SLC44A1: variants seen among roughly 807,000 people sequenced by gnomAD.
The protein encoded by SLC44A1 is solute carrier family 44 member 1, also known as choline transporter-like protein 1.
Under a neutral mutation model 79.3 loss-of-function variants are expected in SLC44A1, and 26 were observed. That is an observed-to-expected ratio of 0.33 (90% confidence interval 0.24 to 0.46). The LOEUF (loss-of-function observed/expected upper bound fraction) is 0.46. Among genes scored for constraint, SLC44A1 ranks in the 20% least tolerant of loss-of-function variants. The pLI is 1.00. For missense variants in SLC44A1, 688 were observed against 798.1 expected, an observed-to-expected ratio of 0.86 and a Z score of 1.66; for synonymous variants, 263 against 286.2, an observed-to-expected ratio of 0.92 and a Z score of 0.82.
At position 105,256,861 on chromosome 9, in the gene SLC44A1, C is replaced by T. The variant is rs61050892; in HGVS notation, c.36+11957C>T. Among the ~76,000 whole-genome samples the T allele has an allele frequency of 5.7e-3, 855 of 151,316 alleles. 11 individuals are homozygous for T. The highest frequency in any genetic ancestry group is 0.02 in the African/African-American group (811 of 41,180). ...GAAGTGCAGTGGCGTGATCTCAGCT[C>T]ACTTTAACCTCCACCTCCCAGGTTC... On this transcript the variant is annotated intron_variant, in intron 1 of 15. Coordinates refer to ENST00000374720, the MANE Select transcript of SLC44A1 (RefSeq NM_080546.5).
Position 105,385,425 on chromosome 9 carries a change from T to G in SLC44A1, c.1873T>G (p.Phe625Val), listed in dbSNP as rs1397856752. Residue 625 changes from phenylalanine (F) to valine (V), a missense_variant, in exon 15 of 16, where the codon TTT becomes GTT. Transcript: ENST00000374720. ...EFYMDKVLME[F>V]VENSRKAMKE... ...CAATATGGTCCATATTTTGCAGGAG[T>G]TTGTGGAAAACAGTAGGAAAGCAAT... 1 of 1,581,276 alleles carries G rather than the reference T, an allele frequency of 6.3e-7. No homozygotes were observed. The highest frequency in any genetic ancestry group is 1.3e-5 in the African/African-American group (1 of 74,700).
intron 13 of SLC44A1, among the ~76,000 whole-genome samples, chr9:105,380,071 A>G (rs1828414517): frequency 6.6e-6 from 1 of 152,206 alleles, no homozygotes; most frequent in African/African-American, 2.4e-5. Flanking sequence ...AGGGAGAAAC[A>G]TTGCCAGGCA....
intron 1 of SLC44A1, among the ~76,000 whole-genome samples, chr9:105,270,695 T>A (rs1830056805): frequency 6.6e-6 from 1 of 152,200 alleles, no homozygotes; most frequent in Non-Finnish European, 1.5e-5. Flanking sequence ...TACTTGGCTG[T>A]ATTTTTTTAA....
At chr9:105,371,374 A>G (rs1414533559) in intron 12 of SLC44A1, among the ~76,000 whole-genome samples, 2 of 152,242 alleles carry the variant, frequency 1.3e-5, no homozygotes, top group Non-Finnish European at 2.9e-5. Context: ...GCATGAAAGC[A>G]GCCATAGACA....
intron 1 of SLC44A1, among the ~76,000 whole-genome samples, chr9:105,246,114 G>C (rs145054624): frequency 2.6e-5 from 4 of 152,124 alleles, no homozygotes; most frequent in Non-Finnish European, 5.9e-5. Flanking sequence ...CTTGTTTTTA[G>C]AAATAAAGGA....
intron 1 of SLC44A1, among the ~76,000 whole-genome samples, chr9:105,248,901 CG>C (rs1273965089): frequency 2.0e-5 from 3 of 152,160 alleles, no homozygotes; most frequent in Non-Finnish European, 4.4e-5. Context: ...AGCAAATTGC[CG>C]TAAGTCTTTG....
intron 8 of SLC44A1, among the ~76,000 whole-genome samples, chr9:105,362,207 A>G (rs1827804580): frequency 6.6e-6 from 1 of 152,226 alleles, no homozygotes; most frequent in Non-Finnish European, 1.5e-5. Context: ...AAAAAAAATC[A>G]GTCTACTTCT....
intron 15 of SLC44A1, among the ~76,000 whole-genome samples, chr9:105,415,478 C>T (rs1175749652): frequency 1.3e-5 from 2 of 152,162 alleles, no homozygotes; most frequent in African/African-American, 2.4e-5. Flanking sequence ...GAAGTTTCCA[C>T]GGAGGGACGG....
At chr9:105,332,096 CTT>C (rs1564442029) in intron 3 of SLC44A1, among the ~76,000 whole-genome samples, 1 of 147,766 alleles carries the variant, frequency 6.8e-6, no homozygotes, top group East Asian at 2.0e-4. Context: ...AGCTTAATAT[CTT>C]TTCTTTTCCT....
chr9:105,378,991 A>C lies in SLC44A1; in HGVS notation c.1633-4132A>C, dbSNP rs562881719. The stretch of plus-strand genomic sequence containing the variant: ...CCATTTATATAATAGAAATGACAAC[A>C]GGGCTGGGCTCTGTGGCTCACGCCT... On this transcript the variant is annotated intron_variant, in intron 13 of 15. Coordinates refer to ENST00000374720, the MANE Select transcript of SLC44A1 (RefSeq NM_080546.5). 1.7e-4 allele frequency among the ~76,000 whole-genome samples: 26 copies of C among 152,360 alleles called. No individual in the cohort carries two copies. The South Asian group carries it at 4.3e-3, about 25-fold the overall frequency.
In SLC44A1 at chr9:105,393,240, G is replaced by T. The variant is rs1346440010; in HGVS notation, c.*4184G>T. 4.1e-6 allele frequency: 4 copies of T among 985,026 alleles called. No homozygotes were observed. The highest frequency in any genetic ancestry group is 1.7e-5 in the African/African-American group (1 of 57,246). 61.0% of individuals were successfully genotyped at this position (985,026 alleles called of 1,614,324 possible). On this transcript the variant is annotated 3_prime_UTR_variant, in exon 16 of 16. Transcript: ENST00000374720. ...TCATGTATCTTTGTGTGCTAAGAAT[G>T]CATGTTAGCCCTTTTGAAAAGTAGG...
intron 1 of SLC44A1, among the ~76,000 whole-genome samples, chr9:105,248,139 T>C (rs1811368030): frequency 6.6e-6 from 1 of 152,248 alleles, no homozygotes; most frequent in Admixed American, 6.5e-5. Context: ...CAGTTCAGTT[T>C]AGCTTTTCTC....
At chr9:105,413,357 G>A (rs1829122570) in intron 15 of SLC44A1, among the ~76,000 whole-genome samples, 1 of 152,180 alleles carries the variant, frequency 6.6e-6, no homozygotes, top group Non-Finnish European at 1.5e-5. Flanking sequence ...TGAGATATAA[G>A]CTGAAGAATA....
chr9:105,289,373 A>G lies in SLC44A1; in HGVS notation c.37-9847A>G, dbSNP rs7046185. On this transcript the variant is annotated intron_variant, in intron 1 of 15. Coordinates refer to ENST00000374720, the MANE Select transcript of SLC44A1 (RefSeq NM_080546.5). ...CATGGAATAGGTTTTCATTTGAAGA[A>G]TATTTGAGTGCTTTCTATAAACAAT... Among the ~76,000 whole-genome samples, 9 of 152,324 alleles carry G rather than the reference A, an allele frequency of 5.9e-5. No individual in the cohort carries two copies. The South Asian group carries it at 1.7e-3, about 28-fold the overall frequency.
At chr9:105,352,258 G>C (rs1827473492) in intron 5 of SLC44A1, among the ~76,000 whole-genome samples, 2 of 152,126 alleles carry the variant, frequency 1.3e-5, no homozygotes, top group African/African-American at 4.8e-5. Flanking sequence ...ATAAAACTTT[G>C]GCTAGAAATC....
intron 15 of SLC44A1, among the ~76,000 whole-genome samples, chr9:105,418,505 A>AAAG (rs1829204473): frequency 6.6e-6 from 1 of 152,156 alleles, no homozygotes; most frequent in Non-Finnish European, 1.5e-5. Context: ...CACACTTCTT[A>AAAG]GCTTACAGAT....
intron 1 of SLC44A1, among the ~76,000 whole-genome samples, chr9:105,273,099 C>G (rs1423969548): frequency 2.0e-5 from 3 of 150,916 alleles, no homozygotes; most frequent in Non-Finnish European, 3.0e-5. Flanking sequence ...TCAAGCAATT[C>G]TCCTGCCTCA....
At chr9:105,335,455 G>T in intron 3 of SLC44A1, 108 bp from the exon 4 acceptor site, 3 of 731,224 alleles carry the variant, frequency 4.1e-6, no homozygotes, top group Non-Finnish European at 4.3e-6. Context: ...GATTTTTATC[G>T]TGGAGGAATG....
At chr9:105,270,914 T>A (rs1163362387) in intron 1 of SLC44A1, among the ~76,000 whole-genome samples, 1 of 152,230 alleles carries the variant, frequency 6.6e-6, no homozygotes, top group Non-Finnish European at 1.5e-5. Context: ...GCCCTTTGGA[T>A]GAGACAGGCG....
Sources: gnomAD v4.1 joint callset for allele counts (sites outside exome capture counted in the v4.1 genomes callset) on GRCh38, gnomAD v4.1.1 for gene constraint, MANE v1.5 for transcripts, NCBI Gene and HGNC (gene_info 2026-07-23, HGNC 2026-07-21) for gene names.